XNDC1N: variants seen among roughly 807,000 people sequenced by gnomAD.
XNDC1N encodes the protein XRCC1 N-terminal domain containing 1, N-terminal like, also known as protein XNDC1N.
At chr11:71,887,062 G>A in the XNDC1N span, among the ~76,000 whole-genome samples, 1 of 152,222 alleles carries the variant, frequency 6.6e-6, no homozygotes, top group African/African-American at 2.4e-5. Flanking sequence ...GCTCAACCTG[G>A]CAGAAGGGTT....
At chr11:71,927,627 G>A in the XNDC1N span, 2 of 152,114 alleles carry the variant, frequency 1.3e-5, no homozygotes, top group African/African-American at 4.8e-5. Flanking sequence ...GAGAACACAA[G>A]CTAATTCTAA....
the XNDC1N span, among the ~76,000 whole-genome samples, chr11:71,909,402 G>C: frequency 3.3e-5 from 5 of 152,086 alleles, no homozygotes; most frequent in African/African-American, 1.2e-4. Context: ...AGCGTAACCA[G>C]TGTGCTGATT....
the XNDC1N span, among the ~76,000 whole-genome samples, chr11:71,926,908 GAAATAAAATAAAATAAAATA>G: frequency 3.2e-4 from 47 of 149,186 alleles, no homozygotes; most frequent in Non-Finnish European, 6.4e-4. Context: ...CTCAAAAAAT[GAAATAAAATAAAATAAAATA>G]AAATAAAATA....
At chr11:71,906,732 G>A in the XNDC1N span, among the ~76,000 whole-genome samples, 4 of 152,094 alleles carry the variant, frequency 2.6e-5, no homozygotes, top group South Asian at 4.1e-4. Context: ...AAGATTACAC[G>A]TAATATCACT....
chr11:71,919,308 T>C, the XNDC1N span, among the ~76,000 whole-genome samples: 2 of 152,146 alleles, frequency 1.3e-5, no homozygotes, highest in African/African-American at 2.4e-5. Context: ...ATACTGAAGC[T>C]GAGAGGTTCA....
At chr11:71,920,830 T>C in the XNDC1N span, among the ~76,000 whole-genome samples, 2 of 152,154 alleles carry the variant, frequency 1.3e-5, no homozygotes, top group Non-Finnish European at 2.9e-5. Flanking sequence ...GGGTCAAAAT[T>C]TCTTTCCTTC....
At chr11:71,874,094 C>T in the XNDC1N span, among the ~76,000 whole-genome samples, 7 of 152,280 alleles carry the variant, frequency 4.6e-5, no homozygotes, top group African/African-American at 1.7e-4. Context: ...GCAGGCGGAT[C>T]ATCTGAGGAC....
At chr11:71,918,763 G>A in the XNDC1N span, 3 of 625,004 alleles carry the variant, frequency 4.8e-6, no homozygotes, top group Non-Finnish European at 8.6e-6. Flanking sequence ...TTGACACCCA[G>A]GTAAAACTTA....
the XNDC1N span, among the ~76,000 whole-genome samples, chr11:71,924,990 C>T: frequency 1.3e-5 from 2 of 151,982 alleles, no homozygotes; most frequent in Admixed American, 6.6e-5. Context: ...TTTTCTTACC[C>T]TCCCCACCAA....
the XNDC1N span, among the ~76,000 whole-genome samples, chr11:71,882,783 A>G: frequency 6.6e-6 from 1 of 152,156 alleles, no homozygotes; most frequent in African/African-American, 2.4e-5. Flanking sequence ...TGGCATCCAA[A>G]CTGTTGGGGG....
the XNDC1N span, among the ~76,000 whole-genome samples, chr11:71,909,535 G>A: frequency 7.2e-5 from 11 of 152,314 alleles, no homozygotes; most frequent in South Asian, 1.5e-3. Context: ...AGGGTTCTTG[G>A]ACTGAGGGAG....
chr11:71,895,252 G>T, the XNDC1N span, among the ~76,000 whole-genome samples: 1 of 151,968 alleles, frequency 6.6e-6, no homozygotes, highest in Non-Finnish European at 1.5e-5. Context: ...GCATTGTCCA[G>T]CAACACCATA....
At chr11:71,866,512 T>TGGC in the XNDC1N span, among the ~76,000 whole-genome samples, 1 of 152,202 alleles carries the variant, frequency 6.6e-6, no homozygotes, top group Non-Finnish European at 1.5e-5. Flanking sequence ...CTGGACACAG[T>TGGC]GGCTCACACC....
the XNDC1N span, chr11:71,919,028 T>G: frequency 4.5e-4 from 315 of 702,574 alleles, 3 homozygotes; most frequent in Non-Finnish European, 2.6e-5. Context: ...CTTGGGATCC[T>G]AAGTAAGAGA....
chr11:71,907,710 A>T, the XNDC1N span, among the ~76,000 whole-genome samples: 2 of 151,986 alleles, frequency 1.3e-5, no homozygotes, highest in Non-Finnish European at 2.9e-5. Flanking sequence ...TAGAAACTAT[A>T]TCAGTTGGGG....
chr11:71,911,100 C>A, the XNDC1N span, among the ~76,000 whole-genome samples: 1 of 152,216 alleles, frequency 6.6e-6, no homozygotes, highest in African/African-American at 2.4e-5. Context: ...TAAAGGATGG[C>A]CCCCCTGTTG....
the XNDC1N span, among the ~76,000 whole-genome samples, chr11:71,896,082 C>A: frequency 4.3e-3 from 648 of 152,224 alleles, 6 homozygotes; most frequent in African/African-American, 0.015. Flanking sequence ...GTTCGAGACC[C>A]GCCTGGCCAA....
the XNDC1N span, among the ~76,000 whole-genome samples, chr11:71,886,440 G>A: frequency 6.6e-6 from 1 of 152,156 alleles, no homozygotes; most frequent in African/African-American, 2.4e-5. Context: ...GGACCCACAT[G>A]AAAGAGAGGA....
the XNDC1N span, among the ~76,000 whole-genome samples, chr11:71,867,658 T>G: frequency 6.6e-6 from 1 of 152,220 alleles, no homozygotes; most frequent in African/African-American, 2.4e-5. Flanking sequence ...GAGAGTGTGG[T>G]TGGTATAATT....
Sources: allele counts gnomAD v4.1 joint callset (sites outside exome capture counted in the v4.1 genomes callset), GRCh38; gene constraint gnomAD v4.1.1; transcripts MANE v1.5; gene names NCBI Gene and HGNC (gene_info 2026-07-23, HGNC 2026-07-21).